The following NT5DC4 variants were observed in gnomAD, a reference collection of about 807,000 sequenced individuals.
NT5DC4 encodes 5'-nucleotidase domain-containing protein 4.
NT5DC4 carries 44 observed loss-of-function variants against 26.6 expected under a neutral mutation model. That is an observed-to-expected ratio of 1.65 (90% CI 1.30 to 2.13). NT5DC4 has a LOEUF of 2.13. Ranked by LOEUF, NT5DC4 falls within the 30% of genes most tolerant of loss-of-function variation. The pLI, the probability that NT5DC4 is intolerant of heterozygous loss-of-function variation, is 0.00. For missense variants in NT5DC4, 399 were observed against 228.1 expected (o/e 1.75, Z -4.83); for synonymous variants, 157 against 86.7 (o/e 1.81, Z -4.51).
At chr2:112,727,901 G>C (rs889816607) in intron 15 of NT5DC4, among the ~76,000 whole-genome samples, 1 of 152,224 alleles carries the variant, frequency 6.6e-6, no homozygotes, top group Non-Finnish European at 1.5e-5. Context: ...GCGCTATGCC[G>C]ACCTCTACAC....
chr2:112,722,660 TGGA>T, intron 5 of NT5DC4, 51 bp from the exon 6 acceptor site: 2 of 717,416 alleles, frequency 2.8e-6, no homozygotes, highest in South Asian at 1.5e-5. Context: ...TCTGTCCTGG[TGGA>T]GAACTGTCTG....
intron 16 of NT5DC4, among the ~76,000 whole-genome samples, chr2:112,736,371 T>G (rs957921460): frequency 6.6e-6 from 1 of 152,214 alleles, no homozygotes; most frequent in African/African-American, 2.4e-5. Context: ...TTTTATTTTA[T>G]TAGGTATATT....
downstream of NT5DC4, chr2:112,741,064 G>C: frequency 8.6e-7 from 1 of 1,157,702 alleles, no homozygotes; most frequent in Non-Finnish European, 1.3e-6. Flanking sequence ...ACTTCAACTA[G>C]AAGTCAATAA....
At chr2:112,740,952 C>A (rs142651922), downstream of NT5DC4, 3 of 1,613,804 alleles carry the variant, frequency 1.9e-6, no homozygotes, top group South Asian at 3.3e-5. Context: ...TCTTCTTGGC[C>A]AGCTCTTCCA....
In NT5DC4 at chr2:112,725,467, C is replaced by G; in HGVS notation, c.1068C>G (p.Leu356=). 1 of 717,202 alleles carries G rather than the reference C, an allele frequency of 1.4e-6. No homozygotes were observed. Among genetic ancestry groups the G allele is most frequent in the South Asian group, 1.5e-5 (1 of 67,578 alleles). 44.4% of individuals were successfully genotyped at this position (717,202 alleles called of 1,614,324 possible). ...YIGDHIFGDI[L]KSKKRQGWRT... ...GGGACCACATTTTTGGGGACATTCT[C>G]AAGTCCAAGAAGCGTCAGGGCTGGC... The change falls in exon 13 of 17, where the codon CTC becomes CTG. Residue 356 remains leucine, a synonymous_variant. Transcript: ENST00000688554.
At chr2:112,721,939 G>A (rs1171777725) in intron 2 of NT5DC4, 47 bp from the exon 3 acceptor site, 8 of 717,236 alleles carry the variant, frequency 1.1e-5, no homozygotes, top group East Asian at 8.0e-5. Context: ...GGGAGCAGGG[G>A]TGGGCAGCTG....
At chr2:112,728,124 G>T (rs1361821868) in intron 15 of NT5DC4, among the ~76,000 whole-genome samples, 1 of 152,224 alleles carries the variant, frequency 6.6e-6, no homozygotes, top group African/African-American at 2.4e-5. Context: ...GCAGATAACT[G>T]TCTGTGTCTT....
At chr2:112,719,064 C>T (rs553237506), upstream of NT5DC4, among the ~76,000 whole-genome samples, 26 of 152,326 alleles carry the variant, frequency 1.7e-4, no homozygotes, top group East Asian at 3.1e-3. Context: ...TGTCATTAGT[C>T]GATTTCACCA....
chr2:112,729,251 T>G (rs1678162652), intron 15 of NT5DC4, among the ~76,000 whole-genome samples: 1 of 152,150 alleles, frequency 6.6e-6, no homozygotes, highest in Non-Finnish European at 1.5e-5. Flanking sequence ...GCCTCCCAAG[T>G]AGCTGGGATT....
rs1164091228 is a variant in NT5DC4, at chr2:112,724,314, GGCCCTGGGAGGA to G, written c.789+192_789+203del. On this transcript the variant is annotated intron_variant, in intron 10 of 16. Coordinates refer to ENST00000688554, the MANE Select transcript of NT5DC4 (RefSeq NM_001393655.1). ...GGTAGGAGCCTGGTGACCTCAGCCAGGCCCTGGGAGGAGCCTTTGGGGGTGATAGGAGGCAGT... is the reference window on the plus strand; with the variant it reads ...GGTAGGAGCCTGGTGACCTCAGCCAGGCCTTTGGGGGTGATAGGAGGCAGT... 3 of 626,368 alleles carry G rather than the reference GGCCCTGGGAGGA, an allele frequency of 4.8e-6. No homozygotes were observed. The African/African-American group carries it at 5.4e-5, about 11-fold the overall frequency. The allele number at this position is 626,368 out of a possible 1,614,324, so 38.8% of individuals were successfully genotyped here.
chr2:112,730,310 C>CAAAAAAAAAAAAAAAAA lies in NT5DC4; in HGVS notation c.1344+611_1344+627dup, dbSNP rs11375761. On this transcript the variant is annotated intron_variant, in intron 16 of 16. Coordinates refer to ENST00000688554, the MANE Select transcript of NT5DC4 (RefSeq NM_001393655.1). ...CCTGGGCAACAGGGAAAGACTGTCT[C>CAAAAAAAAAAAAAAAAA]AAAAAAAAAAAAAAAAAAAAAGCGA... 2.6e-5 allele frequency among the ~76,000 whole-genome samples: 2 copies of CAAAAAAAAAAAAAAAAA among 76,194 alleles called. 1 individual carries two copies. The allele number at this position is 76,194 out of a possible 152,430, so 50.0% of individuals were successfully genotyped here. A position where few individuals can be genotyped will look rare whatever the true frequency, so the allele number is the denominator to read the frequency against.
intron 1 of NT5DC4, chr2:112,721,377 C>A: frequency 1.5e-6 from 1 of 676,548 alleles, no homozygotes; most frequent in South Asian, 1.6e-5. Flanking sequence ...CTTCCCTCCA[C>A]GAAGATCTCT....
chr2:112,729,582 A>C (rs1284898773), intron 15 of NT5DC4, 45 bp from the exon 16 acceptor site: 1 of 717,276 alleles, frequency 1.4e-6, no homozygotes, highest in Non-Finnish European at 2.6e-6. Flanking sequence ...GGAAGGCCGT[A>C]CCCGGGACGG....
upstream of NT5DC4, among the ~76,000 whole-genome samples, chr2:112,720,696 T>C (rs1441196511): frequency 2.0e-5 from 3 of 152,174 alleles, no homozygotes; most frequent in South Asian, 4.1e-4. Context: ...GCAAGAGTAC[T>C]GAGTTATTTC....
chr2:112,723,364 C>CACACACACACACAA lies in NT5DC4; in HGVS notation c.622-41_622-40insAACACACACACACA, dbSNP rs1331781816. 1.2e-4 allele frequency: 82 copies of CACACACACACACAA among 684,396 alleles called. 1 individual carries two copies. Among genetic ancestry groups the CACACACACACACAA allele is most frequent in the Middle Eastern group, 1.0e-3 (4 of 3,846 alleles). 42.4% of individuals were successfully genotyped at this position (684,396 alleles called of 1,614,324 possible). A position where few individuals can be genotyped will look rare whatever the true frequency, so the allele number is the denominator to read the frequency against. On this transcript the variant is annotated intron_variant, in intron 7 of 16. Coordinates refer to ENST00000688554, the MANE Select transcript of NT5DC4 (RefSeq NM_001393655.1). ...AGACATGTGGGTGGGTACACATGCA[C>CACACACACACACAA]ACACACACACACACACACACACACA... is the stretch of plus-strand genomic sequence containing the variant.
upstream of NT5DC4, among the ~76,000 whole-genome samples, chr2:112,720,187 T>C (rs1676762228): frequency 6.9e-6 from 1 of 145,010 alleles, no homozygotes. Context: ...AAGAGGCTAA[T>C]TTTTTTTTTC....
chr2:112,722,103 G>A lies in NT5DC4; in HGVS notation c.266G>A (p.Arg89Lys). The part of the protein sequence containing the change: ...RYTYDPTFPT[R>K]RLVFDELYGN... ...ACCTACGACCCCACCTTCCCCACCA[G>A]GTGTGTGGCTCAGGACAGGTGGGAG... Residue 89 changes from arginine (R) to lysine (K), a missense_variant and splice_region_variant, in exon 3 of 17, where the codon AGG becomes AAG. Physicochemically the swap from Arg to Lys is conservative, Grantham distance 26. Coordinates refer to ENST00000688554, the MANE Select transcript of NT5DC4 (RefSeq NM_001393655.1). The A allele has an allele frequency of 1.4e-6, 1 of 717,034 alleles. No homozygotes were observed. The highest frequency in any genetic ancestry group is 2.0e-5 in the Admixed American group (1 of 50,020). The allele number at this position is 717,034 out of a possible 1,614,324, so 44.4% of individuals were successfully genotyped here. A position where few individuals can be genotyped will look rare whatever the true frequency, so the allele number is the denominator to read the frequency against.
At chr2:112,738,813 C>T (rs757582894) in intron 16 of NT5DC4, 100 bp from the exon 17 acceptor site, 5 of 1,551,828 alleles carry the variant, frequency 3.2e-6, no homozygotes, top group Non-Finnish European at 4.4e-6. Context: ...TTAAAAAAAG[C>T]ATCAAGAAAT....
chr2:112,726,698 G>A lies in NT5DC4; in HGVS notation c.1226G>A (p.Cys409Tyr). The change falls in exon 15 of 17, where the codon TGT (cysteine) becomes TAT (tyrosine). Residue 409 changes from cysteine (C) to tyrosine (Y), a missense_variant. By Grantham distance (194) the Cys-to-Tyr change is radical (BLOSUM62 -2). Transcript: ENST00000688554. ...ACCAGGCACATGGATGGGAGCAGTT[G>A]TGAGCTGCAAGTCATCAACTTCACC... ...DIYQHMDGSS[C>Y]ELQVINFTKR... The A allele has an allele frequency of 1.4e-6, 1 of 717,554 alleles. No homozygotes were observed. Among genetic ancestry groups the A allele is most frequent in the South Asian group, 1.5e-5 (1 of 67,608 alleles). 44.4% of individuals were successfully genotyped at this position (717,554 alleles called of 1,614,324 possible).
Sources: gnomAD v4.1 joint callset for allele counts (sites outside exome capture counted in the v4.1 genomes callset) on GRCh38, gnomAD v4.1.1 for gene constraint, MANE v1.5 for transcripts, NCBI Gene and HGNC (gene_info 2026-07-23, HGNC 2026-07-21) for gene names.